LINGO2: variants seen among roughly 807,000 people sequenced by gnomAD.
LINGO2 encodes the protein leucine-rich repeat and immunoglobulin-like domain-containing nogo receptor-interacting protein 2.
LINGO2 carries 14 observed loss-of-function variants against 30.6 expected under a neutral mutation model. The ratio of observed to expected loss-of-function variants is 0.46; its 90% CI spans 0.30 to 0.72. The LOEUF (loss-of-function observed/expected upper bound fraction) is 0.72. Ranked by LOEUF, LINGO2 falls within the 30% of genes least tolerant of loss-of-function variation. The pLI, the probability that LINGO2 is intolerant of heterozygous loss-of-function variation, is 0.07. For missense variants in LINGO2, 729 were observed against 751.7 expected (o/e 0.97, Z 0.35); for synonymous variants, 317 against 288.5 (o/e 1.10, Z -1.00).
At chr9:28,053,745 G>A (rs187427518) in intron 4 of LINGO2, among the ~76,000 whole-genome samples, 1 of 152,056 alleles carries the variant, frequency 6.6e-6, no homozygotes, top group African/African-American at 2.4e-5. Context: ...TGGGTATGTT[G>A]GTAATTTTTA....
chr9:28,549,626 T>A (rs1005284314), intron 1 of LINGO2, among the ~76,000 whole-genome samples: 3 of 151,988 alleles, frequency 2.0e-5, no homozygotes. Flanking sequence ...ATGGGTATTA[T>A]CATGTGTAAT....
the LINGO2 span, among the ~76,000 whole-genome samples, chr9:29,204,743 A>G: frequency 6.6e-6 from 1 of 152,214 alleles, no homozygotes; most frequent in Non-Finnish European, 1.5e-5. Flanking sequence ...ATTATTTAAT[A>G]AAATCATGTT....
the LINGO2 span, among the ~76,000 whole-genome samples, chr9:29,177,667 CATGA>C: frequency 2.0e-5 from 3 of 152,108 alleles, no homozygotes; most frequent in African/African-American, 7.2e-5. Context: ...TTCCACTAAT[CATGA>C]TGTTGATTCT....
the LINGO2 span, among the ~76,000 whole-genome samples, chr9:29,086,511 T>C: frequency 6.6e-6 from 1 of 152,110 alleles, no homozygotes; most frequent in African/African-American, 2.4e-5. Context: ...TGACCCTCAA[T>C]TCCACACTTG....
chr9:28,394,023 C>T (rs7846907), intron 2 of LINGO2, among the ~76,000 whole-genome samples: 1,734 of 152,058 alleles, frequency 0.011, 35 homozygotes, highest in African/African-American at 0.04. Flanking sequence ...TGTCTCATTC[C>T]CCTATCAGTG....
the LINGO2 span, among the ~76,000 whole-genome samples, chr9:28,812,624 T>A: frequency 6.6e-6 from 1 of 152,186 alleles, no homozygotes; most frequent in Non-Finnish European, 1.5e-5. Flanking sequence ...TAAAATATCC[T>A]AAGAGAGAAT....
intron 4 of LINGO2, among the ~76,000 whole-genome samples, chr9:28,289,253 T>C (rs148416550): frequency 0.013 from 1,973 of 152,246 alleles, 25 homozygotes; most frequent in Non-Finnish European, 0.018. Context: ...CTATAATATA[T>C]AAATTTTCTG....
At chr9:29,123,828 T>C in the LINGO2 span, among the ~76,000 whole-genome samples, 1 of 152,162 alleles carries the variant, frequency 6.6e-6, no homozygotes. Flanking sequence ...AGTGGGGTTC[T>C]GTTATCCTGT....
At chr9:28,838,951 C>T in the LINGO2 span, among the ~76,000 whole-genome samples, 1 of 152,334 alleles carries the variant, frequency 6.6e-6, no homozygotes, top group East Asian at 1.9e-4. Flanking sequence ...CAGGCACCAG[C>T]ATGGGTGCCA....
chr9:28,119,596 C>T lies in LINGO2; in HGVS notation c.-86-107191G>A, dbSNP rs887818111. Among the ~76,000 whole-genome samples, 4 of 152,146 alleles carry T rather than the reference C, an allele frequency of 2.6e-5. No homozygotes were observed. The East Asian group carries it at 7.7e-4, about 29-fold the overall frequency. On this transcript the variant is annotated intron_variant, in intron 4 of 5. Coordinates refer to ENST00000379992, the Ensembl canonical transcript of LINGO2. ...AGTAAACATTCAGTGACTAACAGCT[C>T]TTATTAATTTTATCAAACCTTTTGC...
the LINGO2 span, among the ~76,000 whole-genome samples, chr9:29,158,702 T>C: frequency 3.3e-5 from 5 of 152,118 alleles, no homozygotes; most frequent in African/African-American, 7.2e-5. Context: ...TCAGCCTTTA[T>C]TTTAGTTACT....
the LINGO2 span, among the ~76,000 whole-genome samples, chr9:29,002,165 G>A: frequency 6.6e-6 from 1 of 151,912 alleles, no homozygotes; most frequent in African/African-American, 2.4e-5. Flanking sequence ...TCAAAGATGG[G>A]TATATTCTTA....
At chr9:28,059,733 C>G (rs1302471683) in intron 4 of LINGO2, among the ~76,000 whole-genome samples, 1 of 152,090 alleles carries the variant, frequency 6.6e-6, no homozygotes, top group African/African-American at 2.4e-5. Flanking sequence ...CTATAGCCAT[C>G]ATGTTGACTT....
chr9:28,976,577 G>C, the LINGO2 span, among the ~76,000 whole-genome samples: 34 of 151,904 alleles, frequency 2.2e-4, no homozygotes, highest in African/African-American at 7.5e-4. Flanking sequence ...TTAAATTTAA[G>C]GTACACTTTG....
chr9:28,599,039 A>G (rs984175824), intron 1 of LINGO2: 1 of 152,230 alleles, frequency 6.6e-6, no homozygotes, highest in Non-Finnish European at 1.5e-5. Context: ...CTTCTGTTAT[A>G]TAGCAACTGC....
chr9:28,551,130 C>G (rs1457069809), intron 1 of LINGO2, among the ~76,000 whole-genome samples: 5 of 151,604 alleles, frequency 3.3e-5, no homozygotes, highest in Non-Finnish European at 7.4e-5. Flanking sequence ...AAATATAAAA[C>G]AATAAAAAGA....
chr9:27,949,174 C>T, exon 6 of LINGO2: 1 of 1,614,074 alleles, frequency 6.2e-7, no homozygotes, highest in Non-Finnish European at 8.5e-7. Flanking sequence ...AATCCTTTCA[C>T]AGTTAAGGAG....
intron 1 of LINGO2, among the ~76,000 whole-genome samples, chr9:28,567,899 GT>G: frequency 6.6e-6 from 1 of 152,112 alleles, no homozygotes. Context: ...TCCTCATGCA[GT>G]TCTTACTCTG....
Position 27,986,252 on chromosome 9 carries a change from A to AACAC in LINGO2, c.-36+26099_-36+26102dup, listed in dbSNP as rs144531403. 8.3e-3 allele frequency among the ~76,000 whole-genome samples: 1,250 copies of AACAC among 150,324 alleles called. 92 individuals are homozygous for AACAC. The East Asian group carries it at 0.17, about 21-fold the overall frequency. On this transcript the variant is annotated intron_variant, in intron 5 of 5. Transcript: ENST00000379992. ...TTCCAGTGACCACATTCCCCAACTCAACACACACACACACACAGAGCAGTT... is the reference window on the plus strand; with the variant it reads ...TTCCAGTGACCACATTCCCCAACTCAACACACACACACACACACACAGAGCAGTT...
Sources: gnomAD v4.1 joint callset for allele counts (sites outside exome capture counted in the v4.1 genomes callset) on GRCh38, gnomAD v4.1.1 for gene constraint, MANE v1.5 for transcripts, NCBI Gene and HGNC (gene_info 2026-07-23, HGNC 2026-07-21) for gene names.